STIL: variants seen among roughly 807,000 people sequenced by gnomAD.
STIL encodes SCL-interrupting locus protein.
In STIL, 55 loss-of-function variants were observed where a neutral mutation model predicts 110.1. The ratio of observed to expected loss-of-function variants is 0.50; its 90% CI spans 0.40 to 0.63. STIL has a LOEUF of 0.63. Among genes scored for constraint, STIL ranks in the 20% least tolerant of loss-of-function variants. The probability of loss-of-function intolerance (pLI) is 0.00; values close to 1 mark genes in which losing one functional copy is unlikely to be tolerated. For synonymous variants in STIL, 481 were observed against 530.0 expected (o/e 0.91, Z 1.27); for missense variants, 1,358 against 1,530.0 (o/e 0.89, Z 1.87).
At chr1:47,280,089 TA>T in intron 12 of STIL, 151 bp downstream of exon 12, 1 of 1,038,210 alleles carries the variant, frequency 9.6e-7, no homozygotes, top group Non-Finnish European at 1.4e-6. Flanking sequence ...TACTTACCTG[TA>T]AAACAAGAGG....
intron 16 of STIL, among the ~76,000 whole-genome samples, chr1:47,257,464 AGCCTGGGTGACAG>A (rs1307508181): frequency 3.3e-5 from 5 of 152,226 alleles, no homozygotes; most frequent in Non-Finnish European, 5.9e-5. Context: ...ATCATACTCC[AGCCTGGGTGACAG>A]GCCTGGGTGA....
In STIL at chr1:47,251,443, A is replaced by G; in HGVS notation, c.3560T>C (p.Val1187Ala). 5 of 1,614,228 alleles carry G rather than the reference A, an allele frequency of 3.1e-6. No individual in the cohort carries two copies. The highest frequency in any genetic ancestry group is 2.2e-5 in the East Asian group (1 of 44,886). Residue 1187 changes from valine to alanine, a missense_variant, in exon 17 of 17, where the codon GTG (valine) becomes GCG (alanine). Transcript: ENST00000371877. ...EIINCSNCESVGTNADTPVLR... is the reference protein window; with the variant it reads ...EIINCSNCESAGTNADTPVLR... ...TACTGGCGTATCTGCGTTGGTCCCC[A>G]CAGATTCACAGTTAGAACAATTAAT...
intron 15 of STIL, among the ~76,000 whole-genome samples, chr1:47,261,745 C>CA (rs34657491): frequency 0.038 from 4,737 of 124,386 alleles, 167 homozygotes; most frequent in African/African-American, 0.086. Context: ...GACTCTGTCT[C>CA]AAAAAAAAAA....
At position 47,270,253 on chromosome 1, in the gene STIL, TATACACACACAC is replaced by T. The variant is rs1420311786; in HGVS notation, c.2384-399_2384-388del. 5.9e-3 allele frequency among the ~76,000 whole-genome samples: 692 copies of T among 118,236 alleles called. 32 individuals are homozygous for T. The Admixed American group carries it at 0.061, about 10-fold the overall frequency. 77.6% of individuals were successfully genotyped at this position (118,236 alleles called of 152,430 possible). A position where few individuals can be genotyped will look rare whatever the true frequency, so the allele number is the denominator to read the frequency against. On this transcript the variant is annotated intron_variant, in intron 13 of 16. Transcript: ENST00000371877. Reference sequence around the variant, plus strand: ...AAAAAAAAAAAAAAATATATATATATATACACACACACACACACACACACACACACACACACA... The same window carrying T: ...AAAAAAAAAAAAAAATATATATATATACACACACACACACACACACACACA...
chr1:47,270,253 T>TACACACACAC (rs1378109646), intron 13 of STIL, among the ~76,000 whole-genome samples: 114 of 118,214 alleles, frequency 9.6e-4, no homozygotes, highest in Non-Finnish European at 1.2e-3. Flanking sequence ...TATATATATA[T>TACACACACAC]ATACACACAC....
chr1:47,273,454 T>C (rs930238196), intron 12 of STIL, among the ~76,000 whole-genome samples: 1 of 152,252 alleles, frequency 6.6e-6, no homozygotes, highest in Non-Finnish European at 1.5e-5. Flanking sequence ...AGTACCATAC[T>C]GTGGCCTTGT....
chr1:47,304,888 C>A lies in STIL; in HGVS notation c.152+1G>T, dbSNP rs771656424. 1 of 1,600,204 alleles carries A rather than the reference C, an allele frequency of 6.2e-7. No homozygotes were observed. Among genetic ancestry groups the A allele is most frequent in the South Asian group, 1.1e-5 (1 of 90,772 alleles). Reference sequence around the variant, plus strand: ...ATTTGAAAAAAAGAAACATGTTATACCTGTAGTAACTGAGATGTAAGTAGA... The same window carrying A: ...ATTTGAAAAAAAGAAACATGTTATAACTGTAGTAACTGAGATGTAAGTAGA... On this transcript the variant is annotated splice_donor_variant, in intron 3 of 16. Coordinates refer to ENST00000371877, the MANE Select transcript of STIL (RefSeq NM_001048166.1). LOFTEE classifies it high-confidence loss of function.
chr1:47,295,142 T>C (rs1325404553), intron 7 of STIL, among the ~76,000 whole-genome samples: 1 of 151,964 alleles, frequency 6.6e-6, no homozygotes, highest in African/African-American at 2.4e-5. Flanking sequence ...AGGCTGGCCT[T>C]GAACTCCTGA....
At chr1:47,290,457 G>A (rs1266504457) in intron 8 of STIL, among the ~76,000 whole-genome samples, 3 of 152,214 alleles carry the variant, frequency 2.0e-5, no homozygotes, top group African/African-American at 4.8e-5. Context: ...TGTAATCCCA[G>A]CACTTCGGGA....
chr1:47,295,230 C>T (rs146844929), intron 7 of STIL, among the ~76,000 whole-genome samples: 4 of 152,222 alleles, frequency 2.6e-5, no homozygotes, highest in Middle Eastern at 3.4e-3. Context: ...AGCCACTGCG[C>T]CTGGCCATAG....
rs747597751 is a variant in STIL at position 47,281,058 on chromosome 1, G to A, written c.1400C>T (p.Pro467Leu). 3 of 1,614,052 alleles carry A rather than the reference G, an allele frequency of 1.9e-6. No individual in the cohort carries two copies. The highest frequency in any genetic ancestry group is 2.2e-5 in the South Asian group (2 of 91,076). Residue 467 changes from proline (P) to leucine (L), a missense_variant, in exon 12 of 17, where the codon CCC (proline) becomes CTC (leucine). Physicochemically the swap from Pro to Leu is moderately conservative, Grantham distance 98. Transcript: ENST00000371877. ...ACTGTGTTTCTCATCATAAAGCTGG[G>A]GTTGCAATGGCTTCAAGTGTTCCAA... ...NHLEHLKPLQ[P>L]QLYDEKHSPE...
intron 8 of STIL, among the ~76,000 whole-genome samples, chr1:47,291,607 C>A (rs567439686): frequency 4.0e-5 from 6 of 151,562 alleles, no homozygotes; most frequent in African/African-American, 1.5e-4. Context: ...TTTTTGTTGC[C>A]CAGGCTGGAG....
At chr1:47,302,478 A>C in intron 3 of STIL, 132 bp from the exon 4 acceptor site, 1 of 773,428 alleles carries the variant, frequency 1.3e-6, no homozygotes, top group Non-Finnish European at 2.2e-6. Flanking sequence ...AGGAAATCCC[A>C]GGGTCAAAGG....
chr1:47,251,821 A>C lies in STIL; in HGVS notation c.3182T>G (p.Leu1061Trp), dbSNP rs746166383. 1 of 1,609,362 alleles carries C rather than the reference A, an allele frequency of 6.2e-7. No homozygotes were observed. Among genetic ancestry groups the C allele is most frequent in the East Asian group, 2.2e-5 (1 of 44,840 alleles). The change falls in exon 17 of 17, where the codon TTG (leucine) becomes TGG (tryptophan). Residue 1061 changes from leucine (L) to tryptophan (W), a missense_variant. Physicochemically the swap from Leu to Trp is moderately conservative, Grantham distance 61. Transcript: ENST00000371877. ...MSGLSPNGVD[L>W]SMEANAIALK... is the part of the protein sequence containing the mutation. Reference sequence around the variant, plus strand: ...AGCTATAGCATTTGCCTCCATGCTCAAATCCACACCATTGGGGCTTAAGCC... The same window carrying C: ...AGCTATAGCATTTGCCTCCATGCTCCAATCCACACCATTGGGGCTTAAGCC...
At chr1:47,287,244 TAGAA>T (rs983230575) in intron 10 of STIL, among the ~76,000 whole-genome samples, 13 of 151,932 alleles carry the variant, frequency 8.6e-5, no homozygotes, top group Non-Finnish European at 2.9e-5. Context: ...GAAGAACAAA[TAGAA>T]AGCACTAAAC....
rs957455746 is a variant in STIL, at chr1:47,272,241, T to C, written c.2218A>G (p.Ile740Val). 1.9e-6 allele frequency: 3 copies of C among 1,614,158 alleles called. No homozygotes were observed. The highest frequency in any genetic ancestry group is 2.5e-6 in the Non-Finnish European group (3 of 1,180,030). Residue 740 changes from isoleucine (I) to valine (V), a missense_variant and splice_region_variant, in exon 13 of 17, where the codon ATT becomes GTT. By Grantham distance (29) the Ile-to-Val change is conservative. Coordinates refer to ENST00000371877, the MANE Select transcript of STIL (RefSeq NM_001048166.1). ...GACTGTGCTTCCAACAAACGCTGAA[T>C]CTGTATCAATTAAAAACATACTTTA... ...DRQLRLLQAQ[I>V]QRLLEAQSLM... is the part of the protein sequence containing the mutation.
At chr1:47,269,497 G>T in intron 14 of STIL, 138 bp downstream of exon 14, 2 of 662,464 alleles carry the variant, frequency 3.0e-6, no homozygotes, top group South Asian at 1.9e-5. Context: ...TGATAGATTT[G>T]TTGGTCTGAT....
rs766754814 is a variant in STIL, at chr1:47,302,222, A to G, written c.265+12T>C. On this transcript the variant is annotated intron_variant, in intron 4 of 16. Transcript: ENST00000371877. ...AGGCGTGAGCACTGGTCCATTTTTA[A>G]AAGTGTATTACCTTCGTCTGCTGTC... is the stretch of plus-strand genomic sequence containing the variant. 1.9e-6 allele frequency: 3 copies of G among 1,596,342 alleles called. No homozygotes were observed. Among genetic ancestry groups the G allele is most frequent in the Non-Finnish European group, 2.6e-6 (3 of 1,164,064 alleles).
chr1:47,276,848 T>C (rs937116556), intron 12 of STIL, among the ~76,000 whole-genome samples: 6 of 140,108 alleles, frequency 4.3e-5, no homozygotes, highest in African/African-American at 1.6e-4. Flanking sequence ...AACCATCTTC[T>C]AAGACTGGTA....
Sources: gnomAD v4.1 joint callset for allele counts (sites outside exome capture counted in the v4.1 genomes callset) on GRCh38, gnomAD v4.1.1 for gene constraint, MANE v1.5 for transcripts, NCBI Gene and HGNC (gene_info 2026-07-23, HGNC 2026-07-21) for gene names.